ERGIC1: variants seen among roughly 807,000 people sequenced by gnomAD.
ERGIC1 encodes endoplasmic reticulum-Golgi intermediate compartment protein 1.
A neutral mutation model predicts 38.3 loss-of-function variants in ERGIC1; 19 were observed. That is an observed-to-expected ratio of 0.50 (90% CI 0.35 to 0.73). The LOEUF is 0.73. Among genes scored for constraint, ERGIC1 ranks in the 30% least tolerant of loss-of-function variants. The pLI is 0.01. For missense variants in ERGIC1, 294 were observed against 389.2 expected (o/e 0.76, Z 2.06); for synonymous variants, 124 against 157.6 (o/e 0.79, Z 1.60).
At chr5:172,925,680 T>C (rs556981680) in intron 6 of ERGIC1, among the ~76,000 whole-genome samples, 1 of 152,228 alleles carries the variant, frequency 6.6e-6, no homozygotes, top group South Asian at 2.1e-4. Context: ...ACTTAAGCCT[T>C]TGTACATGCT....
chr5:172,909,842 C>G lies in ERGIC1; in HGVS notation c.250+81C>G, dbSNP rs550398992. The G allele has an allele frequency of 4.2e-5, 53 of 1,254,642 alleles. 1 individual carries two copies. In the South Asian group the frequency reaches 6.3e-4, roughly 15 times the overall value. 77.7% of individuals were successfully genotyped at this position (1,254,642 alleles called of 1,614,324 possible). A position where few individuals can be genotyped will look rare whatever the true frequency, so the allele number is the denominator to read the frequency against. ...GTGTGTGCAGAAATGGCAAGATCTC[C>G]AGGACAAGCCAAGCCAACATATGGT... is the stretch of plus-strand genomic sequence containing the variant. On this transcript the variant is annotated intron_variant, in intron 4 of 9. Transcript: ENST00000393784.
intron 1 of ERGIC1, among the ~76,000 whole-genome samples, chr5:172,842,468 C>G (rs1761183903): frequency 1.3e-5 from 2 of 152,178 alleles, no homozygotes; most frequent in South Asian, 4.1e-4. Context: ...ATGAATAATG[C>G]TGCAGTGAGC....
intron 1 of ERGIC1, among the ~76,000 whole-genome samples, chr5:172,868,581 T>G (rs1561709616): frequency 6.6e-6 from 1 of 151,894 alleles, no homozygotes; most frequent in East Asian, 1.9e-4. Context: ...GCACGGAGGA[T>G]TTTTAGGGCA....
intron 3 of ERGIC1, among the ~76,000 whole-genome samples, chr5:172,906,514 A>C (rs994446513): frequency 3.9e-5 from 6 of 152,156 alleles, no homozygotes; most frequent in Admixed American, 3.9e-4. Context: ...TGGGCCCCAC[A>C]GAGAAGCCCC....
At position 172,951,252 on chromosome 5, in the gene ERGIC1, A is replaced by C. The variant is rs532419660; in HGVS notation, c.*436A>C. 2.6e-5 allele frequency: 4 copies of C among 154,370 alleles called. No individual in the cohort carries two copies. The East Asian group carries it at 7.6e-4, about 29-fold the overall frequency. 9.6% of individuals were successfully genotyped at this position (154,370 alleles called of 1,614,324 possible). On this transcript the variant is annotated 3_prime_UTR_variant, in exon 10 of 10. Coordinates refer to ENST00000393784, the MANE Select transcript of ERGIC1 (RefSeq NM_001031711.3). ...CCCCTGGGCAGCCAACCTGCCCCAG[A>C]GGCACCAGACCTGGGCTTTCAGCTT...
At chr5:172,897,886 A>G (rs893519425) in intron 3 of ERGIC1, 1 of 413,898 alleles carries the variant, frequency 2.4e-6, no homozygotes. Context: ...TGGCTGACGC[A>G]GAGTTAAACC....
At chr5:172,867,138 T>C (rs894328518) in intron 1 of ERGIC1, 9 of 451,834 alleles carry the variant, frequency 2.0e-5, no homozygotes, top group Non-Finnish European at 3.6e-5. Flanking sequence ...AGCCAAGGGT[T>C]TGAGTTCCAC....
At position 172,837,875 on chromosome 5, in the gene ERGIC1, C is replaced by T. The variant is rs573167654; in HGVS notation, c.20+3442C>T. Among the ~76,000 whole-genome samples the T allele has an allele frequency of 6.6e-6, 1 of 152,340 alleles. No homozygotes were observed. Among genetic ancestry groups the T allele is most frequent in the Admixed American group, 6.5e-5 (1 of 15,310 alleles). On this transcript the variant is annotated intron_variant, in intron 1 of 9. Coordinates refer to ENST00000393784, the MANE Select transcript of ERGIC1 (RefSeq NM_001031711.3). This position sits in a 1 kb window ranked among gnomAD's most constrained non-coding sequence, Gnocchi z 4.3. ...GTTCCGGCTGGCCTGGGGCCAGTAG[C>T]ACCTGCTGCCTTCTGCACACCAGCC...
At chr5:172,901,247 G>A (rs186721863) in intron 3 of ERGIC1, among the ~76,000 whole-genome samples, 3 of 152,322 alleles carry the variant, frequency 2.0e-5, no homozygotes, top group South Asian at 2.1e-4. Flanking sequence ...CTGGTGGGGG[G>A]TGAGGGGGAG....
At chr5:172,922,533 G>T (rs1055962927) in intron 5 of ERGIC1, 1 of 152,426 alleles carries the variant, frequency 6.6e-6, no homozygotes, top group African/African-American at 2.4e-5. Flanking sequence ...GGGCCTCTCT[G>T]TTGGGCCCTG....
intron 1 of ERGIC1, among the ~76,000 whole-genome samples, chr5:172,836,742 G>C (rs939603058): frequency 1.3e-5 from 2 of 152,228 alleles, no homozygotes; most frequent in African/African-American, 4.8e-5. Context: ...TCCAAGAGAA[G>C]GGAGGAGGGC....
At chr5:172,917,327 T>C (rs755094098) in intron 5 of ERGIC1, 2 of 152,198 alleles carry the variant, frequency 1.3e-5, no homozygotes, top group African/African-American at 2.4e-5. Context: ...TGTGGAGAGT[T>C]CAGGAGAGGG....
In ERGIC1 at chr5:172,950,836, G is replaced by T; in HGVS notation, c.*20G>T. 1 of 1,596,038 alleles carries T rather than the reference G, an allele frequency of 6.3e-7. No individual in the cohort carries two copies. Among genetic ancestry groups the T allele is most frequent in the Non-Finnish European group, 8.6e-7 (1 of 1,166,904 alleles). On this transcript the variant is annotated 3_prime_UTR_variant, in exon 10 of 10. Coordinates refer to ENST00000393784, the MANE Select transcript of ERGIC1 (RefSeq NM_001031711.3). ...CATTGACGCCACACCCAGCCTAATG[G>T]CCGAGGACCCTGGGCATCGCCAGCC... is the stretch of plus-strand genomic sequence containing the variant.
intron 1 of ERGIC1, among the ~76,000 whole-genome samples, chr5:172,848,415 C>T (rs1348779376): frequency 6.6e-6 from 1 of 152,194 alleles, no homozygotes; most frequent in Non-Finnish European, 1.5e-5. Flanking sequence ...GCTTGGCTAA[C>T]TAGTACTCTT....
chr5:172,837,219 G>T lies in ERGIC1; in HGVS notation c.20+2786G>T, dbSNP rs1267563618. Among the ~76,000 whole-genome samples, 1 of 152,184 alleles carries T rather than the reference G, an allele frequency of 6.6e-6. No homozygotes were observed. Among genetic ancestry groups the T allele is most frequent in the African/African-American group, 2.4e-5 (1 of 41,438 alleles). On this transcript the variant is annotated intron_variant, in intron 1 of 9. Coordinates refer to ENST00000393784, the MANE Select transcript of ERGIC1 (RefSeq NM_001031711.3). The surrounding 1 kb of genome is among the most constrained non-coding windows in gnomAD (Gnocchi z 4.3). ...GATACTTCTGATTTTCTTACTGCCT[G>T]TAGAGCCTGGTGCAACTGAGTTCTG...
intron 5 of ERGIC1, 76 bp downstream of exon 5, chr5:172,914,914 T>C (rs17716949): frequency 0.21 from 342,296 of 1,600,038 alleles, 37,593 homozygotes; most frequent in Middle Eastern, 0.22. Context: ...AAACTGGTTG[T>C]GGAGGCACTC....
intron 4 of ERGIC1, among the ~76,000 whole-genome samples, chr5:172,913,596 A>T (rs1480375943): frequency 6.6e-6 from 1 of 152,132 alleles, no homozygotes; most frequent in African/African-American, 2.4e-5. Context: ...CCCTCTTTAA[A>T]ATTGCTTCCA....
chr5:172,942,766 C>T (rs9885155), intron 9 of ERGIC1, among the ~76,000 whole-genome samples: 62,638 of 152,038 alleles, frequency 0.41, 13,532 homozygotes, highest in African/African-American at 0.55. Context: ...AGAGCAGGTT[C>T]GGAGGCGGAA....
intron 1 of ERGIC1, among the ~76,000 whole-genome samples, chr5:172,881,178 C>T (rs1294628762): frequency 1.3e-5 from 2 of 151,726 alleles, no homozygotes; most frequent in Non-Finnish European, 2.9e-5. Flanking sequence ...ACCTCGGAGG[C>T]GGAGGTTGCG....
Sources: allele counts gnomAD v4.1 joint callset (sites outside exome capture counted in the v4.1 genomes callset), GRCh38; gene constraint gnomAD v4.1.1; non-coding constraint Gnocchi (gnomAD v3.1); transcripts MANE v1.5; gene names NCBI Gene and HGNC (gene_info 2026-07-23, HGNC 2026-07-21).